The following ADH1C variants were observed in gnomAD, a reference collection of about 807,000 sequenced individuals.
ADH1C encodes the protein alcohol dehydrogenase 1C (class I), gamma polypeptide.
ADH1C carries 26 observed loss-of-function variants against 35.0 expected under a neutral mutation model. The observed-to-expected ratio is 0.74, with a 90% CI of 0.54 to 1.03. The LOEUF is 1.03. Ranked by LOEUF, ADH1C falls within the 50% of genes least tolerant of loss-of-function variation. The pLI is 0.00. For missense variants in ADH1C, 413 were observed against 465.4 expected, an observed-to-expected ratio of 0.89 and a Z score of 1.04; for synonymous variants, 170 against 169.3, an observed-to-expected ratio of 1.00 and a Z score of -0.03.
chr4:99,342,864 T>A lies in ADH1C; in HGVS notation c.759A>T (p.Glu253Asp), dbSNP rs1734448059. The stretch of plus-strand genomic sequence containing the variant: ...CTCCATCAGTCATTTCCTTTAGCAC[T>A]TCCTGAATGGGTTTCTTGTAGTCTT... ...NPQDYKKPIQEVLKEMTDGGV... is the reference protein window; with the variant it reads ...NPQDYKKPIQDVLKEMTDGGV... Residue 253 changes from glutamate (E) to aspartate (D), a missense_variant, in exon 6 of 9, where the codon GAA becomes GAT. Coordinates refer to ENST00000515683, the MANE Select transcript of ADH1C (RefSeq NM_000669.5). 1 of 1,614,066 alleles carries A rather than the reference T, an allele frequency of 6.2e-7. No individual in the cohort carries two copies. Among genetic ancestry groups the A allele is most frequent in the Non-Finnish European group, 8.5e-7 (1 of 1,179,924 alleles).
chr4:99,347,178 A>G (rs768742583), intron 2 of ADH1C, 34 bp from the exon 3 acceptor site: 1 of 1,603,400 alleles, frequency 6.2e-7, no homozygotes, highest in Non-Finnish European at 8.5e-7. Context: ...TAGATTCAGA[A>G]AAGATTATGA....
chr4:99,338,707 T>C (rs1008057950), intron 8 of ADH1C, among the ~76,000 whole-genome samples: 9 of 148,380 alleles, frequency 6.1e-5, no homozygotes, highest in African/African-American at 2.2e-4. Flanking sequence ...CTTTCCTTCC[T>C]CAAGAATATT....
intron 5 of ADH1C, among the ~76,000 whole-genome samples, chr4:99,344,250 A>T (rs1211247208): frequency 6.6e-6 from 1 of 152,166 alleles, no homozygotes; most frequent in Non-Finnish European, 1.5e-5. Flanking sequence ...TTCTGCTTGA[A>T]ATTTACCACT....
intron 8 of ADH1C, 65 bp downstream of exon 8, chr4:99,339,512 G>GCCCCCCCCCCCCCC (rs5860576): frequency 1.5e-6 from 1 of 687,674 alleles, no homozygotes; most frequent in Non-Finnish European, 2.1e-6. Context: ...GCTAGACAAC[G>GCCCCCCCCCCCCCC]CCCCCCCCCC....
intron 8 of ADH1C, among the ~76,000 whole-genome samples, 155 bp downstream of exon 8, chr4:99,339,422 T>G (rs1182415284): frequency 6.6e-6 from 1 of 152,028 alleles, no homozygotes; most frequent in African/African-American, 2.4e-5. Flanking sequence ...ACCTTACATG[T>G]GCTCCATGCA....
intron 8 of ADH1C, among the ~76,000 whole-genome samples, chr4:99,338,721 C>T (rs1018075003): frequency 4.1e-5 from 6 of 147,074 alleles, no homozygotes; most frequent in Non-Finnish European, 8.9e-5. Flanking sequence ...GAATATTTGT[C>T]GGATAAAGTA....
rs1222703181 is a variant in ADH1C at position 99,344,977 on chromosome 4, G to C, written c.452C>G (p.Thr151Arg). 6.2e-7 allele frequency: 1 copy of C among 1,614,208 alleles called. No homozygotes were observed. Among genetic ancestry groups the C allele is most frequent in the East Asian group, 2.2e-5 (1 of 44,872 alleles). Residue 151 changes from threonine (T) to arginine (R), a missense_variant, in exon 5 of 9, where the codon ACA (threonine) becomes AGA (arginine). Coordinates refer to ENST00000515683, the MANE Select transcript of ADH1C (RefSeq NM_000669.5). ...GGCCACTGCATTCTCATCCACCACT[G>C]TGTACTGGGAGAAGGTGCTGACGCC... ...FVGVSTFSQYTVVDENAVAKI... is the reference protein window; with the variant it reads ...FVGVSTFSQYRVVDENAVAKI...
intron 8 of ADH1C, among the ~76,000 whole-genome samples, chr4:99,337,300 C>A (rs1734300894): frequency 6.6e-6 from 1 of 151,832 alleles, no homozygotes; most frequent in Non-Finnish European, 1.5e-5. Context: ...GATTCAAACC[C>A]AAATACAAAT....
chr4:99,346,957 A>G, intron 3 of ADH1C, 49 bp downstream of exon 3: 1 of 1,594,986 alleles, frequency 6.3e-7, no homozygotes, highest in Non-Finnish European at 8.5e-7. Context: ...AGGCTGACTA[A>G]TCTTGTGATG....
At position 99,339,555 on chromosome 4, in the gene ADH1C, A is replaced by C. The variant is rs747921856; in HGVS notation, c.1103+22T>G. On this transcript the variant is annotated intron_variant, in intron 8 of 8. Coordinates refer to ENST00000515683, the MANE Select transcript of ADH1C (RefSeq NM_000669.5). The stretch of plus-strand genomic sequence containing the variant: ...GCTACTGTAGAATACAAAGCAAAAC[A>C]AAAAAACAACTTAAAATCTACCTCT... The C allele has an allele frequency of 7.8e-6, 12 of 1,545,228 alleles. No homozygotes were observed. In the African/African-American group the frequency reaches 1.7e-4, roughly 22 times the overall value.
chr4:99,348,524 C>A (rs1176118449), intron 1 of ADH1C, among the ~76,000 whole-genome samples: 1 of 150,528 alleles, frequency 6.6e-6, no homozygotes, highest in Non-Finnish European at 1.5e-5. Flanking sequence ...TCCAGTCTAT[C>A]ATTGTTGGAC....
In ADH1C at chr4:99,345,266, C is replaced by G. The variant is rs571410967; in HGVS notation, c.260G>C (p.Gly87Ala). The G allele has an allele frequency of 6.2e-7, 1 of 1,612,528 alleles. No individual in the cohort carries two copies. The highest frequency in any genetic ancestry group is 2.2e-5 in the East Asian group (1 of 44,878). Residue 87 changes from glycine to alanine, a missense_variant and splice_region_variant, in exon 4 of 9, where the codon GGT (glycine) becomes GCT (alanine). Gly to Ala is a moderately conservative substitution (Grantham distance 60). Coordinates refer to ENST00000515683, the MANE Select transcript of ADH1C (RefSeq NM_000669.5). ...AGTAAAGAGCGGGATGACTTTATCA[C>G]CTGCAGAGGAATAAAACAAATTCTT... Reference protein sequence around the residue: ...VGEGVTTVKPGDKVIPLFTPQ... With the variant: ...VGEGVTTVKPADKVIPLFTPQ...
At chr4:99,349,980 T>TAA (rs1298141859) in intron 1 of ADH1C, among the ~76,000 whole-genome samples, 1 of 152,204 alleles carries the variant, frequency 6.6e-6, no homozygotes, top group African/African-American at 2.4e-5. Context: ...TTTATTGTGG[T>TAA]AAAGCATGTA....
intron 1 of ADH1C, among the ~76,000 whole-genome samples, 171 bp downstream of exon 1, chr4:99,352,487 G>A (rs1356935227): frequency 6.6e-6 from 1 of 151,814 alleles, no homozygotes; most frequent in Non-Finnish European, 1.5e-5. Flanking sequence ...AGCATATATT[G>A]CATATCATAT....
intron 8 of ADH1C, among the ~76,000 whole-genome samples, chr4:99,338,393 T>TTTTTTATA (rs1334509876): frequency 4.1e-5 from 3 of 73,098 alleles, no homozygotes; most frequent in South Asian, 6.8e-4. Context: ...GAATACTGTT[T>TTTTTTATA]TCTATATATA....
At chr4:99,338,395 C>CCATATATA (rs1734328832) in intron 8 of ADH1C, among the ~76,000 whole-genome samples, 1 of 38,946 alleles carries the variant, frequency 2.6e-5, no homozygotes, top group East Asian at 1.1e-3. Flanking sequence ...ATACTGTTTT[C>CCATATATA]TATATATATA....
chr4:99,342,957 A>C lies in ADH1C; in HGVS notation c.666T>G (p.Ala222=), dbSNP rs369870334. ...CKAAGAARII[A]VDINKDKFAK... is the part of the protein sequence containing the mutation. ...CAAATTTGTCCTTGTTGATGTCCAC[A>C]GCAATGATTCTGGCTGCTCCAGCTG... Residue 222 remains alanine, a synonymous_variant, in exon 6 of 9, where the codon GCT becomes GCG. Coordinates refer to ENST00000515683, the MANE Select transcript of ADH1C (RefSeq NM_000669.5). 89 of 1,614,232 alleles carry C rather than the reference A, an allele frequency of 5.5e-5. No homozygotes were observed. Among genetic ancestry groups the C allele is most frequent in the African/African-American group, 4.5e-4 (34 of 75,068 alleles).
At chr4:99,340,774 C>A in intron 6 of ADH1C, 64 bp from the exon 7 acceptor site, 1 of 1,601,402 alleles carries the variant, frequency 6.2e-7, no homozygotes. Context: ...TCATAATGCA[C>A]AATATCATGT....
chr4:99,343,104 A>T, intron 5 of ADH1C, 49 bp from the exon 6 acceptor site: 2 of 1,596,290 alleles, frequency 1.3e-6, no homozygotes, highest in Non-Finnish European at 1.7e-6. Context: ...TTTGTTAGAA[A>T]TTGCTTAAGC....
Sources: gnomAD v4.1 joint callset for allele counts (sites outside exome capture counted in the v4.1 genomes callset) on GRCh38, gnomAD v4.1.1 for gene constraint, MANE v1.5 for transcripts, NCBI Gene and HGNC (gene_info 2026-07-23, HGNC 2026-07-21) for gene names.